Variants in UPP2 observed in about 807,000 individuals in gnomAD.
UPP2 encodes UPase 2.
A neutral mutation model predicts 26.7 loss-of-function variants in UPP2; 23 were observed. The ratio of observed to expected loss-of-function variants is 0.86; its 90% CI spans 0.62 to 1.22. UPP2 has a LOEUF of 1.22. Among genes scored for constraint, UPP2 ranks in the 50% most tolerant of loss-of-function variants. The pLI, the probability that UPP2 is intolerant of heterozygous loss-of-function variation, is 0.00. For missense variants in UPP2, 387 were observed against 396.7 expected (o/e 0.98, Z 0.21); for synonymous variants, 127 against 141.3 (o/e 0.90, Z 0.72).
At chr2:158,068,210 AG>A (rs1682468029) in intron 3 of UPP2, among the ~76,000 whole-genome samples, 1 of 152,212 alleles carries the variant, frequency 6.6e-6, no homozygotes, top group Admixed American at 6.5e-5. Context: ...ATGCAAAAGA[AG>A]GGAGAATAGG....
At chr2:158,127,863 T>C (rs1683727471) in intron 6 of UPP2, 1 of 336,918 alleles carries the variant, frequency 3.0e-6, no homozygotes, top group Non-Finnish European at 4.2e-6. Flanking sequence ...AGCTAAATTT[T>C]CAGCATAATG....
At chr2:158,016,375 A>T (rs1361224659) in intron 3 of UPP2, among the ~76,000 whole-genome samples, 1 of 151,708 alleles carries the variant, frequency 6.6e-6, no homozygotes, top group Non-Finnish European at 1.5e-5. Context: ...AATTTCGCTC[A>T]TGTTGCCCAG....
At chr2:158,103,505 G>T (rs1683119115) in intron 1 of UPP2, among the ~76,000 whole-genome samples, 2 of 152,150 alleles carry the variant, frequency 1.3e-5, no homozygotes, top group Non-Finnish European at 2.9e-5. Context: ...GCCCCTGGTG[G>T]TTCTGATATG....
intron 2 of UPP2, among the ~76,000 whole-genome samples, chr2:158,013,337 G>A (rs1683609830): frequency 6.6e-6 from 1 of 152,136 alleles, no homozygotes; most frequent in South Asian, 2.1e-4. Context: ...TATCCAACGT[G>A]GACATGAGGA....
intron 6 of UPP2, among the ~76,000 whole-genome samples, chr2:158,126,929 C>A (rs770527062): frequency 6.6e-6 from 1 of 152,182 alleles, no homozygotes; most frequent in Non-Finnish European, 1.5e-5. Context: ...TCCTTTAGTA[C>A]ACCAGATGAC....
intron 3 of UPP2, among the ~76,000 whole-genome samples, chr2:158,032,922 T>C (rs894299183): frequency 2.0e-5 from 3 of 152,198 alleles, no homozygotes; most frequent in Admixed American, 6.5e-5. Flanking sequence ...GGCATTTTCC[T>C]GACCTCTTTC....
chr2:158,002,049 G>GGGCGGT (rs1574239653), intron 2 of UPP2, among the ~76,000 whole-genome samples: 2 of 151,772 alleles, frequency 1.3e-5, no homozygotes. Context: ...ACGGGGGCGG[G>GGGCGGT]GGCTTCACAG....
At chr2:158,033,141 G>C (rs763213637) in intron 3 of UPP2, among the ~76,000 whole-genome samples, 16 of 152,138 alleles carry the variant, frequency 1.1e-4, no homozygotes, top group Non-Finnish European at 1.9e-4. Context: ...ATTCTGGCCT[G>C]AAGCATACTG....
chr2:158,062,813 G>T (rs1291231950), intron 3 of UPP2, among the ~76,000 whole-genome samples: 2 of 152,218 alleles, frequency 1.3e-5, no homozygotes, highest in African/African-American at 4.8e-5. Flanking sequence ...CTATAAGGGA[G>T]ATCCAGCATA....
intron 3 of UPP2, among the ~76,000 whole-genome samples, chr2:158,065,046 G>A (rs6759429): frequency 0.016 from 2,454 of 152,198 alleles, 72 homozygotes; most frequent in African/African-American, 0.056. Flanking sequence ...GAACAGCTCC[G>A]GTCTGCAGCT....
intron 5 of UPP2, among the ~76,000 whole-genome samples, chr2:158,121,844 T>C (rs1023221567): frequency 1.3e-5 from 2 of 151,986 alleles, no homozygotes; most frequent in African/African-American, 2.4e-5. Flanking sequence ...CAAGAACACA[T>C]TGAACACTAA....
intron 3 of UPP2, among the ~76,000 whole-genome samples, chr2:158,025,562 G>A (rs998784262): frequency 4.6e-5 from 7 of 152,240 alleles, no homozygotes; most frequent in Non-Finnish European, 1.0e-4. Context: ...CGAGCCACTG[G>A]CAAGGTCACT....
intron 3 of UPP2, among the ~76,000 whole-genome samples, chr2:158,088,340 TG>T (rs2105200249): frequency 6.6e-6 from 1 of 152,348 alleles, no homozygotes; most frequent in African/African-American, 2.4e-5. Context: ...AAGTAGTGAT[TG>T]TTTTTTATTT....
Position 158,123,874 on chromosome 2 carries a change from T to C in UPP2, c.790T>C (p.Cys264Arg), listed in dbSNP as rs1463844461. 1.9e-6 allele frequency: 3 copies of C among 1,613,840 alleles called. No individual in the cohort carries two copies. The highest frequency in any genetic ancestry group is 3.3e-5 in the Admixed American group (2 of 59,974). ...EMESTVFAAM[C>R]GLCGLKAAVV... ...GGAATCTACAGTGTTTGCAGCTATG[T>C]GTGGACTCTGTGGTCTAAAAGGTAA... is the stretch of plus-strand genomic sequence containing the variant. The change falls in exon 6 of 7, where the codon TGT becomes CGT. Residue 264 changes from cysteine (C) to arginine (R), a missense_variant. Transcript: ENST00000005756.
intron 3 of UPP2, among the ~76,000 whole-genome samples, chr2:158,053,489 T>C (rs1032789599): frequency 1.8e-4 from 28 of 152,150 alleles, no homozygotes; most frequent in African/African-American, 6.5e-4. Context: ...CTAACTCCCA[T>C]ACCATATTGC....
chr2:158,118,012 C>T (rs1683479104), intron 4 of UPP2, 74 bp downstream of exon 4: 3 of 1,260,582 alleles, frequency 2.4e-6, no homozygotes, highest in Non-Finnish European at 3.4e-6. Flanking sequence ...ATATAACATC[C>T]TATTCAGAGC....
chr2:158,014,530 T>A (rs1279043651), intron 2 of UPP2, among the ~76,000 whole-genome samples: 2 of 152,166 alleles, frequency 1.3e-5, no homozygotes, highest in Non-Finnish European at 2.9e-5. Context: ...GGACCTTCCC[T>A]CCCACTCCCC....
chr2:158,023,891 T>C (rs1683794514), intron 3 of UPP2, among the ~76,000 whole-genome samples: 1 of 152,170 alleles, frequency 6.6e-6, no homozygotes, highest in South Asian at 2.1e-4. Flanking sequence ...AACTCCTGCA[T>C]TGGTCTCTTG....
chr2:158,127,065 G>T (rs974504854), intron 6 of UPP2, among the ~76,000 whole-genome samples: 3 of 152,172 alleles, frequency 2.0e-5, no homozygotes, highest in Non-Finnish European at 2.9e-5. Flanking sequence ...TTGGACCATT[G>T]CAGAAACAGA....
Sources: allele counts gnomAD v4.1 joint callset (sites outside exome capture counted in the v4.1 genomes callset), GRCh38; gene constraint gnomAD v4.1.1; transcripts MANE v1.5; gene names NCBI Gene and HGNC (gene_info 2026-07-23, HGNC 2026-07-21).